ABCB1: variants seen among roughly 807,000 people sequenced by gnomAD.
ABCB1 encodes ATP binding cassette subfamily B member 1.
In ABCB1, 69 loss-of-function variants were observed where a neutral mutation model predicts 142.0. The ratio of observed to expected loss-of-function variants is 0.49; its 90% CI spans 0.40 to 0.59. The LOEUF is 0.59. Ranked by LOEUF, ABCB1 falls within the 20% of genes least tolerant of loss-of-function variation. ABCB1 has a pLI of 0.00. For missense variants in ABCB1, 1,326 were observed against 1,554.7 expected, an observed-to-expected ratio of 0.85 and a Z score of 2.47; for synonymous variants, 532 against 539.2, an observed-to-expected ratio of 0.99 and a Z score of 0.18.
At chr7:87,636,384 T>G (rs1057157999) in intron 1 of ABCB1, among the ~76,000 whole-genome samples, 1 of 152,222 alleles carries the variant, frequency 6.6e-6, no homozygotes, top group Non-Finnish European at 1.5e-5. Flanking sequence ...TTTCATAAAA[T>G]GGCAATTCAA....
At chr7:87,665,160 T>G (rs1156884946) in intron 1 of ABCB1, among the ~76,000 whole-genome samples, 1 of 152,138 alleles carries the variant, frequency 6.6e-6, no homozygotes, top group African/African-American at 2.4e-5. Flanking sequence ...AGTTCAATGA[T>G]CCCTGTTTGC....
At chr7:87,693,829 C>A in intron 1 of ABCB1, 1 of 1,358,764 alleles carries the variant, frequency 7.4e-7, no homozygotes, top group East Asian at 2.3e-5. Context: ...CTTAGTTGGG[C>A]TATTCAGTTT....
chr7:87,566,527 T>G (rs374773910), intron 6 of ABCB1, among the ~76,000 whole-genome samples: 1 of 152,240 alleles, frequency 6.6e-6, no homozygotes, highest in Admixed American at 6.5e-5. Flanking sequence ...TTTGCTCTAC[T>G]GCACATTCTC....
Position 87,504,077 on chromosome 7 carries a change from T to C in ABCB1, c.*166A>G, listed in dbSNP as rs1814606853. On this transcript the variant is annotated 3_prime_UTR_variant, in exon 28 of 28. Transcript: ENST00000622132. ...ATTTCTCTCCACTTGATGATGTCTC[T>C]CACTCTGTTCCTTTAATTACGAAGT... 1 of 787,742 alleles carries C rather than the reference T, an allele frequency of 1.3e-6. No individual in the cohort carries two copies. The highest frequency in any genetic ancestry group is 2.3e-5 in the Admixed American group (1 of 43,928). 48.8% of individuals were successfully genotyped at this position (787,742 alleles called of 1,614,324 possible).
intron 17 of ABCB1, 102 bp downstream of exon 17, chr7:87,544,027 G>A (rs1485324566): frequency 1.4e-6 from 2 of 1,403,210 alleles, no homozygotes; most frequent in African/African-American, 2.8e-5. Flanking sequence ...GAGATACGTG[G>A]ATTTTGTTGT....
intron 7 of ABCB1, 85 bp downstream of exon 7, chr7:87,565,985 C>A (rs1231776616): frequency 6.3e-6 from 9 of 1,421,852 alleles, no homozygotes; most frequent in Non-Finnish European, 8.9e-6. Flanking sequence ...TCAGAGTCAT[C>A]ATGTAGTAAA....
chr7:87,667,842 A>G (rs566891082), intron 1 of ABCB1, among the ~76,000 whole-genome samples: 25 of 152,296 alleles, frequency 1.6e-4, no homozygotes, highest in African/African-American at 4.6e-4. Context: ...AGCCTACTCA[A>G]TCTTGATGGA....
chr7:87,620,597 C>T (rs548396487), intron 1 of ABCB1, among the ~76,000 whole-genome samples: 54 of 152,206 alleles, frequency 3.5e-4, no homozygotes, highest in African/African-American at 1.3e-3. Context: ...AAAGCAAATT[C>T]TTAATGTTAA....
At chr7:87,622,565 G>C (rs928111517) in intron 1 of ABCB1, among the ~76,000 whole-genome samples, 2 of 152,162 alleles carry the variant, frequency 1.3e-5, no homozygotes, top group Non-Finnish European at 2.9e-5. Flanking sequence ...AATAAAAAAT[G>C]AAAGCCTGAG....
intron 1 of ABCB1, among the ~76,000 whole-genome samples, chr7:87,632,512 C>T (rs1821325974): frequency 3.9e-5 from 6 of 152,046 alleles, no homozygotes; most frequent in Admixed American, 1.3e-4. Flanking sequence ...GATAGTAGGT[C>T]ATTTGAGGAC....
chr7:87,542,073 C>T (rs1271400277), intron 17 of ABCB1, among the ~76,000 whole-genome samples: 1 of 152,142 alleles, frequency 6.6e-6, no homozygotes, highest in Non-Finnish European at 1.5e-5. Flanking sequence ...AGAGGATAAC[C>T]ATTCCTCAGG....
chr7:87,600,586 G>A (rs1370675638), intron 1 of ABCB1, among the ~76,000 whole-genome samples, 169 bp downstream of exon 1: 1 of 152,198 alleles, frequency 6.6e-6, no homozygotes, highest in African/African-American at 2.4e-5. Context: ...TGCTCCAGGA[G>A]CTCCTGAGTC....
chr7:87,559,752 T>C (rs1012770406), intron 8 of ABCB1, among the ~76,000 whole-genome samples: 3 of 152,148 alleles, frequency 2.0e-5, no homozygotes, highest in African/African-American at 7.2e-5. Context: ...GTAGTATAAA[T>C]TCAGACCCCA....
chr7:87,509,514 A>T, intron 25 of ABCB1, 33 bp from the exon 26 acceptor site: 1 of 1,599,664 alleles, frequency 6.3e-7, no homozygotes, highest in South Asian at 1.1e-5. Context: ...CAACTTCAGG[A>T]CCAGCACACT....
At chr7:87,710,631 C>G in intron 1 of ABCB1, 1 of 1,592,256 alleles carries the variant, frequency 6.3e-7, no homozygotes, top group South Asian at 1.1e-5. Context: ...ATCTCTACAG[C>G]TCTGAGAGAC....
At chr7:87,622,131 A>C (rs1231264187) in intron 1 of ABCB1, among the ~76,000 whole-genome samples, 2 of 152,190 alleles carry the variant, frequency 1.3e-5, no homozygotes. Context: ...TTTCATTTAT[A>C]TAAAATTTTT....
intron 9 of ABCB1, among the ~76,000 whole-genome samples, chr7:87,551,944 A>G (rs1252201190): frequency 6.6e-6 from 1 of 152,178 alleles, no homozygotes; most frequent in Admixed American, 6.5e-5. Context: ...AACTAGTTAT[A>G]TGTTGTTAGG....
intron 3 of ABCB1, among the ~76,000 whole-genome samples, chr7:87,586,242 C>T (rs1365625463): frequency 6.6e-6 from 1 of 152,108 alleles, no homozygotes; most frequent in East Asian, 1.9e-4. Context: ...AACATTTTTT[C>T]TGAGAAGACA....
intron 26 of ABCB1, among the ~76,000 whole-genome samples, chr7:87,508,661 C>T (rs144186246): frequency 8.3e-4 from 126 of 152,192 alleles, no homozygotes; most frequent in African/African-American, 2.8e-3. Context: ...AAATGTATGA[C>T]GATGAGAGAT....
Sources: gnomAD v4.1 joint callset for allele counts (sites outside exome capture counted in the v4.1 genomes callset) on GRCh38, gnomAD v4.1.1 for gene constraint, MANE v1.5 for transcripts, NCBI Gene and HGNC (gene_info 2026-07-23, HGNC 2026-07-21) for gene names.